Variants in THSD4 observed in about 807,000 individuals in gnomAD.
The protein encoded by THSD4 is thrombospondin type 1 domain containing 4.
In THSD4, 69 loss-of-function variants were observed where a neutral mutation model predicts 119.0. The ratio of observed to expected loss-of-function variants is 0.58; its 90% CI spans 0.48 to 0.71. The LOEUF (loss-of-function observed/expected upper bound fraction) is 0.71. Among genes scored for constraint, THSD4 ranks in the 30% least tolerant of loss-of-function variants. The pLI, the probability that THSD4 is intolerant of heterozygous loss-of-function variation, is 0.00. For synonymous variants in THSD4, 524 were observed against 540.4 expected (o/e 0.97, Z 0.42); for missense variants, 1,393 against 1,391.1 (o/e 1.00, Z -0.02).
At chr15:71,120,698 G>T (rs1221572733) in intron 1 of THSD4, among the ~76,000 whole-genome samples, 1 of 152,236 alleles carries the variant, frequency 6.6e-6, no homozygotes, top group Non-Finnish European at 1.5e-5. Flanking sequence ...CCAGCCATGG[G>T]CTGGGAGCTC....
intron 3 of THSD4, among the ~76,000 whole-genome samples, chr15:71,171,098 A>G (rs1428334546): frequency 6.6e-6 from 1 of 152,168 alleles, no homozygotes; most frequent in Non-Finnish European, 1.5e-5. Context: ...TACCAAAAGG[A>G]GAAGAGATAG....
At chr15:71,525,688 G>T (rs981639725) in intron 7 of THSD4, among the ~76,000 whole-genome samples, 1 of 152,228 alleles carries the variant, frequency 6.6e-6, no homozygotes, top group East Asian at 1.9e-4. Context: ...GAAACAGGAC[G>T]CAGATGAAGA....
intron 7 of THSD4, among the ~76,000 whole-genome samples, chr15:71,460,730 T>C (rs1020643362): frequency 5.9e-5 from 9 of 152,228 alleles, no homozygotes; most frequent in African/African-American, 2.2e-4. Context: ...GCGTACAAGA[T>C]AGCTACGTTT....
chr15:71,652,373 TG>T (rs1324491718), intron 7 of THSD4, among the ~76,000 whole-genome samples: 1 of 152,198 alleles, frequency 6.6e-6, no homozygotes, highest in Non-Finnish European at 1.5e-5. Context: ...AAAAGTAAAG[TG>T]AAAGTCTAGA....
chr15:71,766,821 T>G (rs1486694332), intron 16 of THSD4: 1 of 151,712 alleles, frequency 6.6e-6, no homozygotes, highest in East Asian at 1.9e-4. Flanking sequence ...AACAAAAAAC[T>G]CAGCCACAAA....
intron 8 of THSD4, among the ~76,000 whole-genome samples, chr15:71,710,259 A>G (rs2052483187): frequency 6.6e-6 from 1 of 152,222 alleles, no homozygotes; most frequent in African/African-American, 2.4e-5. Flanking sequence ...CTCTGAGGAC[A>G]CTTTGTAGAA....
At position 71,748,461 on chromosome 15, in the gene THSD4, T is replaced by C; in HGVS notation, c.2282T>C (p.Val761Ala). 6.2e-7 allele frequency: 1 copy of C among 1,614,150 alleles called. No homozygotes were observed. The highest frequency in any genetic ancestry group is 8.5e-7 in the Non-Finnish European group (1 of 1,180,024). ...GGCGTGGGACAGAGGACCCGTGATG[T>C]GAAGTGTGTGAGCAACATTGGGGAT... is the stretch of plus-strand genomic sequence containing the variant. ...PCGVGQRTRD[V>A]KCVSNIGDVV... Residue 761 changes from valine to alanine, a missense_variant, in exon 14 of 18, where the codon GTG becomes GCG. Transcript: ENST00000261862.
intron 7 of THSD4, among the ~76,000 whole-genome samples, chr15:71,515,202 C>T (rs4534792): frequency 6.6e-6 from 1 of 152,216 alleles, no homozygotes; most frequent in South Asian, 2.1e-4. Flanking sequence ...CTATAACTTT[C>T]GTCCCTGTGC....
intron 1 of THSD4, among the ~76,000 whole-genome samples, chr15:71,098,909 CA>C (rs1274021150): frequency 6.6e-6 from 1 of 152,158 alleles, no homozygotes. Context: ...CAAAATCAGA[CA>C]CCTGCAAGCC....
intron 3 of THSD4, among the ~76,000 whole-genome samples, chr15:71,160,170 C>G (rs1480227290): frequency 6.6e-6 from 1 of 151,412 alleles, no homozygotes; most frequent in Non-Finnish European, 1.5e-5. Context: ...GGATGAATCC[C>G]ACTTGATATT....
chr15:71,333,761 A>G (rs977743090), intron 6 of THSD4, among the ~76,000 whole-genome samples: 1 of 151,046 alleles, frequency 6.6e-6, no homozygotes, highest in Non-Finnish European at 1.5e-5. Flanking sequence ...CGTCTGCATC[A>G]AACACCCAAT....
intron 3 of THSD4, among the ~76,000 whole-genome samples, chr15:71,195,250 G>A (rs1450519686): frequency 6.6e-6 from 1 of 152,146 alleles, no homozygotes; most frequent in East Asian, 1.9e-4. Context: ...ATTAAAAGAG[G>A]ATGAAGTCAA....
chr15:71,458,727 G>C (rs1271217612), intron 7 of THSD4, among the ~76,000 whole-genome samples: 1 of 152,178 alleles, frequency 6.6e-6, no homozygotes, highest in East Asian at 1.9e-4. Context: ...CTTTCTAAAA[G>C]GGAAATAAAG....
At position 71,777,384 on chromosome 15, in the gene THSD4, A is replaced by G. The variant is rs1263682156; in HGVS notation, c.*10A>G. The G allele has an allele frequency of 1.2e-6, 2 of 1,611,524 alleles. No homozygotes were observed. The highest frequency in any genetic ancestry group is 2.2e-5 in the East Asian group (1 of 44,832). On this transcript the variant is annotated 3_prime_UTR_variant, in exon 18 of 18. Transcript: ENST00000261862. ...CCTGGGGAGCAGATAACACTCCTGCACCCCCATCAGTAGGGCAGCATCACT... is the reference window on the plus strand; with the variant it reads ...CCTGGGGAGCAGATAACACTCCTGCGCCCCCATCAGTAGGGCAGCATCACT...
At chr15:71,447,295 A>G (rs889197303) in intron 7 of THSD4, among the ~76,000 whole-genome samples, 1 of 151,250 alleles carries the variant, frequency 6.6e-6, no homozygotes, top group African/African-American at 2.4e-5. Flanking sequence ...TAATTTTTGT[A>G]TTTTTAGTAG....
chr15:71,747,414 A>C (rs1045037453), intron 13 of THSD4, among the ~76,000 whole-genome samples: 3 of 152,228 alleles, frequency 2.0e-5, no homozygotes, highest in African/African-American at 7.2e-5. Flanking sequence ...GAGTAGTGTC[A>C]GTCAAAATTA....
chr15:71,297,127 G>T (rs543736122), intron 6 of THSD4, among the ~76,000 whole-genome samples: 1 of 151,592 alleles, frequency 6.6e-6, no homozygotes, highest in Non-Finnish European at 1.5e-5. Flanking sequence ...TCACATCCTT[G>T]TTATTTATTT....
intron 6 of THSD4, among the ~76,000 whole-genome samples, chr15:71,282,472 C>T (rs1296442844): frequency 3.5e-4 from 1 of 2,830 alleles, no homozygotes; most frequent in Admixed American, 7.6e-3. Context: ...GAGGTTGATC[C>T]TGTAGCTGTC....
chr15:71,747,203 C>T (rs2053357207), intron 13 of THSD4, among the ~76,000 whole-genome samples, 161 bp downstream of exon 13: 1 of 152,044 alleles, frequency 6.6e-6, no homozygotes, highest in African/African-American at 2.4e-5. Context: ...ACAGGATGTA[C>T]CAATAGTTCA....
Sources: allele counts gnomAD v4.1 joint callset (sites outside exome capture counted in the v4.1 genomes callset), GRCh38; gene constraint gnomAD v4.1.1; transcripts MANE v1.5; gene names NCBI Gene and HGNC (gene_info 2026-07-23, HGNC 2026-07-21).